TYRP1: variants seen among roughly 807,000 people sequenced by gnomAD.
TYRP1 encodes the protein tyrosinase related protein 1.
A neutral mutation model predicts 42.8 loss-of-function variants in TYRP1; 49 were observed. The ratio of observed to expected loss-of-function variants is 1.14; its 90% CI spans 0.91 to 1.45. TYRP1 has a LOEUF of 1.45. Ranked by LOEUF, TYRP1 falls within the 40% of genes most tolerant of loss-of-function variation. TYRP1 has a pLI of 0.00. For synonymous variants in TYRP1, 279 were observed against 235.4 expected (o/e 1.19, Z -1.69); for missense variants, 848 against 662.0 (o/e 1.28, Z -3.08).
intron 4 of TYRP1, among the ~76,000 whole-genome samples, chr9:12,699,259 T>A (rs935482879): frequency 6.6e-6 from 1 of 152,074 alleles, no homozygotes; most frequent in Non-Finnish European, 1.5e-5. Context: ...TCTCCAGTGA[T>A]CTGAATGCCA....
chr9:12,698,845 A>G (rs1011589524), intron 4 of TYRP1, among the ~76,000 whole-genome samples, 190 bp downstream of exon 4: 11 of 152,122 alleles, frequency 7.2e-5, no homozygotes, highest in African/African-American at 2.7e-4. Flanking sequence ...GCTCCAGGGG[A>G]AACAGAAAGT....
chr9:12,707,891 A>G, intron 6 of TYRP1, 106 bp from the exon 7 acceptor site: 3 of 1,125,262 alleles, frequency 2.7e-6, no homozygotes, highest in Non-Finnish European at 3.8e-6. Context: ...ATAAGAATAA[A>G]ATTTTTTCAG....
chr9:12,704,049 C>A (rs1265211289), intron 5 of TYRP1, among the ~76,000 whole-genome samples: 2 of 151,748 alleles, frequency 1.3e-5, no homozygotes, highest in African/African-American at 4.8e-5. Flanking sequence ...AGCTTCCCCA[C>A]AAAAAATAGT....
intron 6 of TYRP1, among the ~76,000 whole-genome samples, chr9:12,705,776 G>T (rs921650500): frequency 2.6e-5 from 4 of 151,990 alleles, no homozygotes; most frequent in African/African-American, 9.7e-5. Context: ...GACCCTAGGA[G>T]GTAGAGGTTG....
chr9:12,695,797 G>A lies in TYRP1; in HGVS notation c.668G>A (p.Trp223Ter). The change falls in exon 3 of 8, where the codon TGG (tryptophan) becomes TAG (stop). Residue 223 changes from tryptophan to a stop codon, truncating the protein, a stop_gained. Coordinates refer to ENST00000388918, the MANE Select transcript of TYRP1 (RefSeq NM_000550.3). LOFTEE classifies it high-confidence loss of function. ...FSHEGPAFLT[W>*]HRYHLLRLEK... is the part of the protein sequence containing the mutation. The stretch of plus-strand genomic sequence containing the variant: ...CATGAGGGACCAGCTTTTCTCACAT[G>A]GCACAGGTACCACCTCCTGCGTCTG... 1 of 1,614,100 alleles carries A rather than the reference G, an allele frequency of 6.2e-7. No individual in the cohort carries two copies. Among genetic ancestry groups the A allele is most frequent in the Non-Finnish European group, 8.5e-7 (1 of 1,180,008 alleles).
intron 5 of TYRP1, 36 bp downstream of exon 5, chr9:12,702,474 GT>G (rs777720589): frequency 6.2e-7 from 1 of 1,600,816 alleles, no homozygotes; most frequent in South Asian, 1.1e-5. Flanking sequence ...AAAAGATCTA[GT>G]TATCAGAGAA....
At position 12,709,615 on chromosome 9, in the gene TYRP1, G is replaced by C. The variant is rs1818324932; in HGVS notation, c.*433G>C. ...TTCCATTCATGGATATTTGTCAACA[G>C]ATTTAAAGAAAACCACAGTTATTAA... On this transcript the variant is annotated 3_prime_UTR_variant, in exon 8 of 8. Coordinates refer to ENST00000388918, the MANE Select transcript of TYRP1 (RefSeq NM_000550.3). 5.7e-6 allele frequency: 1 copy of C among 174,778 alleles called. No homozygotes were observed. The highest frequency in any genetic ancestry group is 2.4e-5 in the African/African-American group (1 of 41,786). 10.8% of individuals were successfully genotyped at this position (174,778 alleles called of 1,614,324 possible). A position where few individuals can be genotyped will look rare whatever the true frequency, so the allele number is the denominator to read the frequency against.
At chr9:12,701,347 A>G (rs1009573072) in intron 4 of TYRP1, among the ~76,000 whole-genome samples, 5 of 151,904 alleles carry the variant, frequency 3.3e-5, no homozygotes, top group African/African-American at 1.2e-4. Context: ...TTTACAGCTA[A>G]CATGATCTTT....
intron 6 of TYRP1, 187 bp from the exon 7 acceptor site, chr9:12,707,810 C>A: frequency 1.7e-6 from 1 of 604,426 alleles, no homozygotes; most frequent in East Asian, 2.8e-5. Context: ...GTACTGTATT[C>A]AAAGCATTTT....
At chr9:12,708,507 A>AATT (rs1302903693) in intron 7 of TYRP1, among the ~76,000 whole-genome samples, 1 of 151,976 alleles carries the variant, frequency 6.6e-6, no homozygotes, top group African/African-American at 2.4e-5. Context: ...AATATGCCCC[A>AATT]ATTTTTCTAC....
chr9:12,695,552 G>A lies in TYRP1; in HGVS notation c.423G>A (p.Lys141=), dbSNP rs1481195636. The A allele has an allele frequency of 3.7e-6, 6 of 1,614,084 alleles. No homozygotes were observed. In the African/African-American group the frequency reaches 8.0e-5, roughly 22 times the overall value. ...TTCTGGACTTAAGTAAAGAAGAAAA[G>A]AACCACTTTGTCCGGGCCCTGGATA... ...RNLLDLSKEE[K]NHFVRALDMA... The change falls in exon 3 of 8, where the codon AAG becomes AAA. Residue 141 remains lysine (K), a synonymous_variant. Coordinates refer to ENST00000388918, the MANE Select transcript of TYRP1 (RefSeq NM_000550.3).
At position 12,710,271 on chromosome 9, in the gene TYRP1, T is replaced by A. The variant is rs1228292821; in HGVS notation, c.*1089T>A. 6.6e-6 allele frequency: 1 copy of A among 151,558 alleles called. No individual in the cohort carries two copies. The highest frequency in any genetic ancestry group is 1.5e-5 in the Non-Finnish European group (1 of 67,732). The allele number at this position is 151,558 out of a possible 1,614,324, so 9.4% of individuals were successfully genotyped here. A position where few individuals can be genotyped will look rare whatever the true frequency, so the allele number is the denominator to read the frequency against. ...TGGTAAAAATAAATAATAACAGTAATAATCATGCACTATAGAAAATGGCTA... is the reference window on the plus strand; with the variant it reads ...TGGTAAAAATAAATAATAACAGTAAAAATCATGCACTATAGAAAATGGCTA... On this transcript the variant is annotated 3_prime_UTR_variant, in exon 8 of 8. Transcript: ENST00000388918.
intron 6 of TYRP1, among the ~76,000 whole-genome samples, chr9:12,706,585 C>T (rs1443962010): frequency 2.0e-5 from 3 of 151,914 alleles, no homozygotes; most frequent in African/African-American, 7.2e-5. Flanking sequence ...GGAAACTACC[C>T]TGCAGCACAT....
Position 12,702,410 on chromosome 9 carries a change from TACAA to T in TYRP1, c.1057_1060del (p.Asn353ValfsTer31), listed in dbSNP as rs387906562. On this transcript the variant is annotated frameshift_variant, in exon 5 of 8. Coordinates refer to ENST00000388918, the MANE Select transcript of TYRP1 (RefSeq NM_000550.3). LOFTEE classifies it high-confidence loss of function. ...ACACGCCTCCTTTTTATTCCAACTC[TACAA>T]ACAGTTTCCGAAACACAGTGGAAGG... 164 of 1,612,854 alleles carry T rather than the reference TACAA, an allele frequency of 1.0e-4. No individual in the cohort carries two copies. The highest frequency in any genetic ancestry group is 1.6e-4 in the Middle Eastern group (1 of 6,070).
rs199989943 is a variant in TYRP1 at position 12,694,213 on chromosome 9, C to T, written c.217C>T (p.Arg73Trp). The T allele has an allele frequency of 2.5e-5, 40 of 1,613,724 alleles. No individual in the cohort carries two copies. The highest frequency in any genetic ancestry group is 2.0e-4 in the African/African-American group (15 of 75,038). The change falls in exon 2 of 8, where the codon CGG becomes TGG. Residue 73 changes from arginine (R) to tryptophan (W), a missense_variant. By Grantham distance (101) the Arg-to-Trp change is moderately radical. Coordinates refer to ENST00000388918, the MANE Select transcript of TYRP1 (RefSeq NM_000550.3). ...ATGTGAGGCAGTGACTGCAGACTCC[C>T]GGCCCCACAGCCCTCAGTATCCCCA... The part of the protein sequence containing the change: ...GRCEAVTADS[R>W]PHSPQYPHDG...
chr9:12,696,298 G>A (rs548522890), intron 3 of TYRP1, among the ~76,000 whole-genome samples: 1 of 152,104 alleles, frequency 6.6e-6, no homozygotes, highest in Admixed American at 6.5e-5. Context: ...ATGGTATAGG[G>A]TTTAAATCAT....
intron 1 of TYRP1, 56 bp from the exon 2 acceptor site, chr9:12,693,856 C>G: frequency 4.4e-6 from 5 of 1,145,754 alleles, no homozygotes; most frequent in Admixed American, 3.9e-5. Flanking sequence ...AGGGGGCATA[C>G]CATTTTAAGT....
At position 12,695,498 on chromosome 9, in the gene TYRP1, AT is replaced by A. The variant is rs769956716; in HGVS notation, c.386-13del. 24 of 1,613,614 alleles carry A rather than the reference AT, an allele frequency of 1.5e-5. No individual in the cohort carries two copies. The highest frequency in any genetic ancestry group is 1.9e-5 in the Non-Finnish European group (23 of 1,179,760). The stretch of plus-strand genomic sequence containing the variant: ...GCAAGGCAGATGTTTTCATGCTTGA[AT>A]TTTGTATCCCTAAAGTCAGGAGAAA... On this transcript the variant is annotated splice_polypyrimidine_tract_variant and intron_variant, in intron 2 of 7. Coordinates refer to ENST00000388918, the MANE Select transcript of TYRP1 (RefSeq NM_000550.3).
Position 12,709,308 on chromosome 9 carries a change from T to TAA in TYRP1, c.*128_*129dup, listed in dbSNP as rs1818317789. The TAA allele has an allele frequency of 1.0e-6, 1 of 985,152 alleles. No individual in the cohort carries two copies. Among genetic ancestry groups the TAA allele is most frequent in the Non-Finnish European group, 1.6e-6 (1 of 639,532 alleles). The allele number at this position is 985,152 out of a possible 1,614,324, so 61.0% of individuals were successfully genotyped here. On this transcript the variant is annotated 3_prime_UTR_variant, in exon 8 of 8. Coordinates refer to ENST00000388918, the MANE Select transcript of TYRP1 (RefSeq NM_000550.3). The stretch of plus-strand genomic sequence containing the variant: ...TTCTAATACAAGCATATGTTAGCAT[T>TAA]AAAGTTCTAGGCATACTTTTCAAAG...
Sources: allele counts gnomAD v4.1 joint callset (sites outside exome capture counted in the v4.1 genomes callset), GRCh38; gene constraint gnomAD v4.1.1; transcripts MANE v1.5; gene names NCBI Gene and HGNC (gene_info 2026-07-23, HGNC 2026-07-21).